Variants in FRMD4A observed in about 807,000 individuals in gnomAD.
FRMD4A encodes FERM domain containing 4A, also known as FERM domain-containing protein 4A.
FRMD4A carries 29 observed loss-of-function variants against 129.1 expected under a neutral mutation model. The observed-to-expected ratio is 0.22, with a 90% CI of 0.17 to 0.31. FRMD4A has a LOEUF of 0.31. Ranked by LOEUF, FRMD4A falls within the 10% of genes least tolerant of loss-of-function variation. The pLI is 1.00. For missense variants in FRMD4A, 1,272 were observed against 1,375.8 expected, an observed-to-expected ratio of 0.92 and a Z score of 1.19; for synonymous variants, 634 against 571.6, an observed-to-expected ratio of 1.11 and a Z score of -1.56.
chr10:13,673,552 T>C (rs2083695077), intron 16 of FRMD4A, among the ~76,000 whole-genome samples: 1 of 152,018 alleles, frequency 6.6e-6, no homozygotes, highest in Non-Finnish European at 1.5e-5. Flanking sequence ...ATTGTGCCCA[T>C]GTGCACAATG....
intron 6 of FRMD4A, among the ~76,000 whole-genome samples, chr10:13,769,298 G>C (rs7094607): frequency 0.3 from 44,927 of 150,302 alleles, 7,556 homozygotes; most frequent in East Asian, 0.53. Context: ...AACTTGACAG[G>C]CCAAGGGTTA....
At chr10:13,658,145 A>AAG (rs1564534208) in intron 21 of FRMD4A, among the ~76,000 whole-genome samples, 2 of 150,870 alleles carry the variant, frequency 1.3e-5, no homozygotes, top group Non-Finnish European at 3.0e-5. Flanking sequence ...AAAAAAAAAA[A>AAG]AAAAAAAAAA....
intron 3 of FRMD4A, among the ~76,000 whole-genome samples, chr10:13,843,084 G>C (rs1274463726): frequency 6.6e-6 from 1 of 152,190 alleles, no homozygotes; most frequent in Non-Finnish European, 1.5e-5. Context: ...GGAAGCTCCA[G>C]AAAGGTGTAC....
intron 2 of FRMD4A, among the ~76,000 whole-genome samples, chr10:14,013,671 C>T (rs1204747661): frequency 3.9e-5 from 6 of 152,172 alleles, no homozygotes; most frequent in African/African-American, 1.4e-4. Flanking sequence ...GTGACTCATG[C>T]CTGTAATCCC....
chr10:13,847,516 C>T (rs1167141438), intron 3 of FRMD4A, among the ~76,000 whole-genome samples: 1 of 152,134 alleles, frequency 6.6e-6, no homozygotes, highest in Non-Finnish European at 1.5e-5. Context: ...CCCTCCTTCC[C>T]TCCCTCCCTT....
intron 2 of FRMD4A, among the ~76,000 whole-genome samples, chr10:14,213,853 G>A (rs1294296268): frequency 1.3e-5 from 2 of 152,216 alleles, no homozygotes; most frequent in Non-Finnish European, 2.9e-5. Flanking sequence ...TCTCATGGTA[G>A]TGAATAAGTC....
At chr10:13,742,359 G>A (rs1489887858) in intron 9 of FRMD4A, among the ~76,000 whole-genome samples, 1 of 152,154 alleles carries the variant, frequency 6.6e-6, no homozygotes, top group Admixed American at 6.5e-5. Flanking sequence ...CTGAGGTGTG[G>A]AGTCGACACC....
rs2081971821 is a variant in FRMD4A at position 13,654,524 on chromosome 10, TG to T, written c.2954-13del. The T allele has an allele frequency of 6.3e-7, 1 of 1,582,726 alleles. No individual in the cohort carries two copies. Among genetic ancestry groups the T allele is most frequent in the African/African-American group, 1.3e-5 (1 of 74,284 alleles). On this transcript the variant is annotated splice_polypyrimidine_tract_variant and intron_variant, in intron 22 of 24. Transcript: ENST00000357447. ...TTGAGGTAAGGCAGCTACATGCAGG[TG>T]GTGCAAGAAAGGCAGAGAGCAGACA...
intron 21 of FRMD4A, among the ~76,000 whole-genome samples, chr10:13,657,787 G>GTTTTT (rs1204181870): frequency 3.6e-5 from 4 of 110,958 alleles, no homozygotes; most frequent in African/African-American, 1.1e-4. Flanking sequence ...TCGATTTCTG[G>GTTTTT]GTTTTTTTTT....
At chr10:13,677,044 G>A (rs563424721) in intron 15 of FRMD4A, among the ~76,000 whole-genome samples, 6 of 152,256 alleles carry the variant, frequency 3.9e-5, no homozygotes, top group Admixed American at 2.0e-4. Flanking sequence ...CTTCTGTCCC[G>A]TGGCATCAAA....
chr10:13,797,481 C>A (rs2130829168), intron 4 of FRMD4A, among the ~76,000 whole-genome samples: 1 of 152,254 alleles, frequency 6.6e-6, no homozygotes, highest in East Asian at 1.9e-4. Context: ...GGGAGGACCC[C>A]AGCGTCTTAG....
At chr10:13,968,339 A>T (rs1293013722) in intron 2 of FRMD4A, among the ~76,000 whole-genome samples, 2 of 152,170 alleles carry the variant, frequency 1.3e-5, no homozygotes, top group Non-Finnish European at 2.9e-5. Context: ...AAATAAATAC[A>T]CTCAAGATGA....
At chr10:14,046,150 G>C (rs1028526105) in intron 2 of FRMD4A, among the ~76,000 whole-genome samples, 6 of 151,812 alleles carry the variant, frequency 4.0e-5, no homozygotes, top group African/African-American at 1.5e-4. Context: ...AAATACAATA[G>C]GCCTTTTGGG....
intron 11 of FRMD4A, among the ~76,000 whole-genome samples, chr10:13,739,502 T>C (rs538366452): frequency 1.3e-5 from 2 of 152,236 alleles, no homozygotes; most frequent in African/African-American, 4.8e-5. Flanking sequence ...CCATTGCTTA[T>C]GCTTTGAGGT....
At chr10:14,127,449 G>A (rs1379274467) in intron 2 of FRMD4A, among the ~76,000 whole-genome samples, 2 of 152,212 alleles carry the variant, frequency 1.3e-5, no homozygotes, top group African/African-American at 4.8e-5. Context: ...CTCTGGAGAA[G>A]CGAAAGATGG....
At chr10:13,823,525 G>T (rs2093658811) in intron 3 of FRMD4A, among the ~76,000 whole-genome samples, 1 of 152,206 alleles carries the variant, frequency 6.6e-6, no homozygotes, top group Non-Finnish European at 1.5e-5. Context: ...GATGATAAAC[G>T]AAGCAACATC....
chr10:14,234,935 C>T (rs1374085863), intron 2 of FRMD4A, among the ~76,000 whole-genome samples: 1 of 152,184 alleles, frequency 6.6e-6, no homozygotes, highest in African/African-American at 2.4e-5. Context: ...TAAAATGGCT[C>T]CAAGCTCTGA....
At chr10:13,734,334 A>G (rs777584972) in intron 12 of FRMD4A, among the ~76,000 whole-genome samples, 4 of 151,992 alleles carry the variant, frequency 2.6e-5, no homozygotes, top group Non-Finnish European at 4.4e-5. Flanking sequence ...GAGTGCTTCT[A>G]CGACAATGGA....
chr10:14,242,860 A>G (rs1844097668), intron 2 of FRMD4A, among the ~76,000 whole-genome samples: 1 of 152,232 alleles, frequency 6.6e-6, no homozygotes, highest in Non-Finnish European at 1.5e-5. Context: ...CAATTACAGT[A>G]TGATCCCACA....
Sources: allele counts gnomAD v4.1 joint callset (sites outside exome capture counted in the v4.1 genomes callset), GRCh38; gene constraint gnomAD v4.1.1; transcripts MANE v1.5; gene names NCBI Gene and HGNC (gene_info 2026-07-23, HGNC 2026-07-21).